Variants in KCNMA1 observed in about 807,000 individuals in gnomAD.
KCNMA1 encodes the protein Calcium-activated potassium channel subunit alpha-1.
KCNMA1 carries 29 observed loss-of-function variants against 140.0 expected under a neutral mutation model. That is an observed-to-expected ratio of 0.21 (90% CI 0.15 to 0.28). The LOEUF (loss-of-function observed/expected upper bound fraction) is 0.28, where lower values mean the gene tolerates loss of function less well. Ranked by LOEUF, KCNMA1 falls within the 10% of genes least tolerant of loss-of-function variation. The pLI is 1.00. For synonymous variants in KCNMA1, 612 were observed against 611.9 expected (o/e 1.00, Z 0.00); for missense variants, 880 against 1,602.2 (o/e 0.55, Z 7.70).
intron 3 of KCNMA1, among the ~76,000 whole-genome samples, chr10:77,197,403 G>A (rs2040873831): frequency 1.3e-5 from 2 of 152,200 alleles, no homozygotes; most frequent in Admixed American, 6.5e-5. Context: ...TTGTTACTTG[G>A]AAAACTGGTC....
At chr10:77,487,905 C>T (rs954160757) in intron 1 of KCNMA1, among the ~76,000 whole-genome samples, 1 of 152,096 alleles carries the variant, frequency 6.6e-6, no homozygotes, top group African/African-American at 2.4e-5. Context: ...TGGGCTGGTA[C>T]TGTGCGTTTT....
At chr10:77,293,073 C>A (rs539560582) in intron 2 of KCNMA1, among the ~76,000 whole-genome samples, 1 of 152,128 alleles carries the variant, frequency 6.6e-6, no homozygotes, top group Non-Finnish European at 1.5e-5. Context: ...CAAAGGTCTC[C>A]CAGGAAGAAC....
intron 1 of KCNMA1, among the ~76,000 whole-genome samples, chr10:77,547,677 G>C (rs772531827): frequency 2.0e-5 from 3 of 152,174 alleles, no homozygotes; most frequent in Non-Finnish European, 4.4e-5. Flanking sequence ...CTCTTAAAAA[G>C]GTTTTGAAGC....
In KCNMA1 at chr10:77,039,538, T is replaced by C. The variant is rs199572642; in HGVS notation, c.1849A>G (p.Thr617Ala). The change falls in exon 15 of 28, where the codon ACT (threonine) becomes GCT (alanine). Residue 617 changes from threonine to alanine, a missense_variant. This residue lies in a region of KCNMA1 where 198 missense variants were observed against 580.1 expected (regional missense o/e 0.34). Transcript: ENST00000286628. ...SSAFVGLSFP[T>A]VCELCFVKLK... ...TTAAAGGTCACTTACTCACAAACAG[T>C]AGGGAAGGACAGACCCACGAAGGCA... 16 of 1,591,586 alleles carry C rather than the reference T, an allele frequency of 1.0e-5. No individual in the cohort carries two copies. The highest frequency in any genetic ancestry group is 1.7e-4 in the Middle Eastern group (1 of 6,018).
At chr10:77,390,838 T>C (rs2095795914) in intron 2 of KCNMA1, among the ~76,000 whole-genome samples, 1 of 143,900 alleles carries the variant, frequency 6.9e-6, no homozygotes, top group South Asian at 2.2e-4. Flanking sequence ...GAAATGCCAC[T>C]TTTTTTTTTG....
intron 1 of KCNMA1, 39 bp downstream of exon 1, chr10:77,637,226 G>C: frequency 6.5e-7 from 1 of 1,544,890 alleles, no homozygotes; most frequent in Middle Eastern, 1.8e-4. Context: ...AGAAGCGGTG[G>C]GGCTGGCGCA....
chr10:77,303,784 T>C (rs10824518), intron 2 of KCNMA1, among the ~76,000 whole-genome samples: 2 of 152,100 alleles, frequency 1.3e-5, no homozygotes, highest in Non-Finnish European at 2.9e-5. Context: ...TTTGAGCCCA[T>C]GGATTCTTGC....
At chr10:77,083,159 G>A (rs181331370) in intron 12 of KCNMA1, among the ~76,000 whole-genome samples, 140 of 152,154 alleles carry the variant, frequency 9.2e-4, no homozygotes, top group African/African-American at 3.1e-3. Context: ...GCAGTGGGAC[G>A]GAAATCCCAC....
intron 1 of KCNMA1, among the ~76,000 whole-genome samples, chr10:77,473,223 C>A (rs1325973609): frequency 6.6e-6 from 1 of 152,236 alleles, no homozygotes; most frequent in African/African-American, 2.4e-5. Context: ...TTGACTTCAA[C>A]TGGCCAACTT....
In KCNMA1 at chr10:77,382,737, T is replaced by A. The variant is rs377667704; in HGVS notation, c.540+21125A>T. On this transcript the variant is annotated intron_variant, in intron 2 of 27. Transcript: ENST00000286628. ...AAAATTAGCTCGGTGTGGTGGTGGGTGCCTGTAATCCCAGCTACTCAGGAG... is the reference window on the plus strand; with the variant it reads ...AAAATTAGCTCGGTGTGGTGGTGGGAGCCTGTAATCCCAGCTACTCAGGAG... Among the ~76,000 whole-genome samples the A allele has an allele frequency of 4.7e-5, 7 of 150,470 alleles. 1 individual carries two copies. The highest frequency in any genetic ancestry group is 4.0e-4 in the Admixed American group (6 of 15,092).
chr10:77,585,701 C>T (rs553134486), intron 1 of KCNMA1, among the ~76,000 whole-genome samples: 9 of 152,240 alleles, frequency 5.9e-5, no homozygotes, highest in East Asian at 1.9e-4. Flanking sequence ...GATTCCCAGA[C>T]GAACAACTTC....
intron 5 of KCNMA1, among the ~76,000 whole-genome samples, chr10:77,126,409 C>A (rs1056903666): frequency 1.3e-5 from 2 of 152,174 alleles, no homozygotes; most frequent in African/African-American, 4.8e-5. Context: ...GTTGGCATTA[C>A]CTGGACACAA....
chr10:77,257,528 A>G (rs989375560), intron 2 of KCNMA1, among the ~76,000 whole-genome samples: 3 of 152,198 alleles, frequency 2.0e-5, no homozygotes, highest in Admixed American at 2.0e-4. Context: ...GAAATGGAAA[A>G]CCAAGGAAAA....
At chr10:76,986,729 G>A (rs1424059145) in intron 19 of KCNMA1, among the ~76,000 whole-genome samples, 1 of 152,172 alleles carries the variant, frequency 6.6e-6, no homozygotes, top group Admixed American at 6.5e-5. Context: ...ATTTATTTGG[G>A]ATAAATTCAA....
chr10:77,307,700 C>A (rs1354980997), intron 2 of KCNMA1, among the ~76,000 whole-genome samples: 2 of 152,162 alleles, frequency 1.3e-5, no homozygotes, highest in African/African-American at 4.8e-5. Context: ...GCGCGCACCA[C>A]CACGCCCAGC....
At chr10:77,230,075 G>A (rs898768332) in intron 3 of KCNMA1, among the ~76,000 whole-genome samples, 4 of 152,194 alleles carry the variant, frequency 2.6e-5, no homozygotes, top group Non-Finnish European at 4.4e-5. Flanking sequence ...TAAACAAAAT[G>A]TGTGGCAGAC....
At chr10:77,438,341 C>A (rs2097306619) in intron 1 of KCNMA1, among the ~76,000 whole-genome samples, 2 of 152,030 alleles carry the variant, frequency 1.3e-5, no homozygotes, top group South Asian at 2.1e-4. Context: ...CCAAGGCGGG[C>A]AGATCACCTG....
chr10:77,304,754 A>T (rs2077286902), intron 2 of KCNMA1, among the ~76,000 whole-genome samples: 1 of 152,202 alleles, frequency 6.6e-6, no homozygotes, highest in Admixed American at 6.5e-5. Flanking sequence ...CCCAGTGGGC[A>T]GGATTGACTT....
intron 3 of KCNMA1, among the ~76,000 whole-genome samples, chr10:77,231,886 T>G (rs1483565067): frequency 6.6e-6 from 1 of 152,204 alleles, no homozygotes; most frequent in Non-Finnish European, 1.5e-5. Flanking sequence ...GACAATCAAT[T>G]TTAAAACACT....
Sources: gnomAD v4.1 joint callset for allele counts (sites outside exome capture counted in the v4.1 genomes callset) on GRCh38, gnomAD v4.1.1 for gene constraint, gnomAD v4.1.1 regional missense constraint, MANE v1.5 for transcripts, NCBI Gene and HGNC (gene_info 2026-07-23, HGNC 2026-07-21) for gene names.